The following MORN5 variants were observed in gnomAD, a reference collection of about 807,000 sequenced individuals.
MORN5 encodes the protein MORN repeat containing 5.
In MORN5, 21 loss-of-function variants were observed where a neutral mutation model predicts 22.1. The ratio of observed to expected loss-of-function variants is 0.95; its 90% CI spans 0.67 to 1.37. MORN5 has a LOEUF of 1.37. MORN5 is among the 40% of genes most tolerant of loss of function. MORN5 has a pLI of 0.00. For synonymous variants in MORN5, 73 were observed against 74.0 expected, an observed-to-expected ratio of 0.99 and a Z score of 0.07; for missense variants, 211 against 215.1, an observed-to-expected ratio of 0.98 and a Z score of 0.12.
At chr9:122,180,282 C>CTTT (rs938997436) in intron 4 of MORN5, among the ~76,000 whole-genome samples, 1,326 of 107,388 alleles carry the variant, frequency 0.012, 31 homozygotes, top group African/African-American at 0.026. Context: ...ACATTTTCTT[C>CTTT]TTTTTTTTTT....
intron 3 of MORN5, among the ~76,000 whole-genome samples, chr9:122,171,783 A>G (rs754419465): frequency 1.3e-5 from 2 of 151,848 alleles, no homozygotes; most frequent in Non-Finnish European, 2.9e-5. Context: ...TGTTTATTCA[A>G]CAAATATTTA....
intron 4 of MORN5, among the ~76,000 whole-genome samples, chr9:122,187,610 T>C (rs541182351): frequency 7.2e-5 from 11 of 152,138 alleles, no homozygotes; most frequent in Non-Finnish European, 1.0e-4. Context: ...CCTGGGCCCT[T>C]TAGGGAGCCT....
chr9:122,164,617 G>A, intron 1 of MORN5: 1 of 985,726 alleles, frequency 1.0e-6, no homozygotes, highest in Middle Eastern at 5.2e-4. Context: ...AGATGTCTGT[G>A]AGAGGTCTGA....
chr9:122,159,910 C>G lies in MORN5; in HGVS notation c.-63C>G. ...GGCTCCGCCCACCCCTCCAGGTTGT[C>G]ATAGTGATGCCGTATCCACTGAGAC... On this transcript the variant is annotated 5_prime_UTR_variant, in exon 1 of 5. Coordinates refer to ENST00000373764, the MANE Select transcript of MORN5 (RefSeq NM_198469.4). 6.4e-7 allele frequency: 1 copy of G among 1,555,088 alleles called. No homozygotes were observed. Among genetic ancestry groups the G allele is most frequent in the Non-Finnish European group, 8.9e-7 (1 of 1,126,214 alleles).
At chr9:122,161,242 T>G (rs1023345087) in intron 1 of MORN5, among the ~76,000 whole-genome samples, 1 of 152,146 alleles carries the variant, frequency 6.6e-6, no homozygotes, top group Admixed American at 6.5e-5. Flanking sequence ...CATTCTGAGT[T>G]AATAGGAAAG....
At chr9:122,174,673 A>G (rs1213577093) in intron 4 of MORN5, 46 bp downstream of exon 4, 2 of 1,613,026 alleles carry the variant, frequency 1.2e-6, no homozygotes, top group Admixed American at 1.7e-5. Context: ...TCACCCACAT[A>G]TGAGTATGTG....
chr9:122,165,795 C>T (rs1198867540), intron 1 of MORN5, among the ~76,000 whole-genome samples: 4 of 152,098 alleles, frequency 2.6e-5, no homozygotes, highest in African/African-American at 7.2e-5. Context: ...CAAGTTGGAC[C>T]ATCAGCATAG....
chr9:122,166,846 C>T lies in MORN5; in HGVS notation c.126C>T (p.Gly42=), dbSNP rs76168473. The T allele has an allele frequency of 0.02, 32,866 of 1,613,726 alleles. 416 individuals carry two copies. The highest frequency in any genetic ancestry group is 0.023 in the Non-Finnish European group (26,593 of 1,179,830). The stretch of plus-strand genomic sequence containing the variant: ...AAATGAAGGATGGCATGTTTCACGG[C>T]GAGGGAACCCTGTACTTCCCCAGCG... The part of the protein sequence containing the change: ...VGEMKDGMFH[G]EGTLYFPSGS... The change falls in exon 2 of 5, where the codon GGC becomes GGT. Residue 42 remains glycine, a synonymous_variant. Coordinates refer to ENST00000373764, the MANE Select transcript of MORN5 (RefSeq NM_198469.4).
At chr9:122,183,697 G>A (rs949810551) in intron 4 of MORN5, among the ~76,000 whole-genome samples, 4 of 152,166 alleles carry the variant, frequency 2.6e-5, no homozygotes, top group African/African-American at 4.8e-5. Flanking sequence ...GTCGAATCAA[G>A]CACATCTGGC....
intron 4 of MORN5, among the ~76,000 whole-genome samples, chr9:122,196,710 G>A (rs549627785): frequency 1.3e-5 from 2 of 152,338 alleles, no homozygotes; most frequent in East Asian, 1.9e-4. Context: ...AAAGCGGAAA[G>A]AGAAACTCTC....
chr9:122,193,326 C>T (rs558593782), intron 4 of MORN5, among the ~76,000 whole-genome samples: 16 of 152,366 alleles, frequency 1.1e-4, no homozygotes, highest in African/African-American at 3.8e-4. Flanking sequence ...GTGGCTCACA[C>T]CTATAATCCC....
At position 122,169,673 on chromosome 9, in the gene MORN5, A is replaced by G. The variant is rs767928278; in HGVS notation, c.224A>G (p.His75Arg). The G allele has an allele frequency of 6.2e-6, 10 of 1,614,044 alleles. No homozygotes were observed. The highest frequency in any genetic ancestry group is 2.2e-5 in the East Asian group (1 of 44,878). ...KGTYTFSDGL[H>R]YDEKNWHYCD... is the part of the protein sequence containing the mutation. The stretch of plus-strand genomic sequence containing the variant: ...ACATATACGTTCTCAGATGGGCTGC[A>G]CTATGATGAGAAAAACTGGCATTAC... The change falls in exon 3 of 5, where the codon CAC becomes CGC. Residue 75 changes from histidine to arginine, a missense_variant. By Grantham distance (29) the His-to-Arg change is conservative (BLOSUM62 0). Transcript: ENST00000373764.
chr9:122,198,143 C>T (rs1829936058), intron 4 of MORN5, among the ~76,000 whole-genome samples: 1 of 152,178 alleles, frequency 6.6e-6, no homozygotes, highest in South Asian at 2.1e-4. Context: ...CTCTCCCCTA[C>T]CTGACTGGGC....
At chr9:122,167,056 C>CA in intron 2 of MORN5, 141 bp downstream of exon 2, 4 of 445,880 alleles carry the variant, frequency 9.0e-6, no homozygotes, top group Non-Finnish European at 1.5e-5. Context: ...ACTCCCCCCA[C>CA]TTTTTTTTTT....
chr9:122,199,726 T>C (rs1204160829), intron 4 of MORN5, among the ~76,000 whole-genome samples, 159 bp from the exon 5 acceptor site: 2 of 152,116 alleles, frequency 1.3e-5, no homozygotes, highest in Non-Finnish European at 2.9e-5. Flanking sequence ...CTCCGAGGAA[T>C]TCAGTGTAAA....
chr9:122,195,935 T>C (rs1829877557), intron 4 of MORN5, among the ~76,000 whole-genome samples: 1 of 148,800 alleles, frequency 6.7e-6, no homozygotes, highest in Non-Finnish European at 1.5e-5. Flanking sequence ...AAGAACCCTG[T>C]TGGTATTTCT....
intron 4 of MORN5, among the ~76,000 whole-genome samples, chr9:122,182,166 ATG>A (rs1829545470): frequency 6.6e-6 from 1 of 152,204 alleles, no homozygotes; most frequent in South Asian, 2.1e-4. Flanking sequence ...CTTCTGCCCC[ATG>A]TTCTAGTCAA....
intron 4 of MORN5, among the ~76,000 whole-genome samples, chr9:122,196,500 A>C (rs961286919): frequency 2.0e-5 from 3 of 151,812 alleles, no homozygotes; most frequent in African/African-American, 4.8e-5. Flanking sequence ...CGCCCAGCTA[A>C]TTTTTGTATT....
At chr9:122,192,600 G>A (rs1226050961) in intron 4 of MORN5, among the ~76,000 whole-genome samples, 10 of 152,146 alleles carry the variant, frequency 6.6e-5, no homozygotes, top group Admixed American at 2.6e-4. Context: ...CAGCAGACCC[G>A]GCACAGCTGT....
Sources: gnomAD v4.1 joint callset for allele counts (sites outside exome capture counted in the v4.1 genomes callset) on GRCh38, gnomAD v4.1.1 for gene constraint, MANE v1.5 for transcripts, NCBI Gene and HGNC (gene_info 2026-07-23, HGNC 2026-07-21) for gene names.